The following MECOM variants were observed in gnomAD, a reference collection of about 807,000 sequenced individuals.
MECOM encodes the protein MDS1 and EVI1 complex locus, also known as histone-lysine N-methyltransferase MECOM.
In MECOM, 13 loss-of-function variants were observed where a neutral mutation model predicts 116.3. The observed-to-expected ratio is 0.11, with a 90% CI of 0.07 to 0.18. MECOM has a LOEUF of 0.18. MECOM is among the 10% of genes least tolerant of loss of function. MECOM has a pLI of 1.00. For synonymous variants in MECOM, 528 were observed against 535.2 expected, an observed-to-expected ratio of 0.99 and a Z score of 0.19; for missense variants, 1,299 against 1,509.0, an observed-to-expected ratio of 0.86 and a Z score of 2.31.
chr3:169,365,910 T>C (rs1405072320), intron 2 of MECOM, among the ~76,000 whole-genome samples: 7 of 152,178 alleles, frequency 4.6e-5, no homozygotes, highest in Middle Eastern at 3.4e-3. Flanking sequence ...TCTGTTTCTT[T>C]AGGTATTTAT....
chr3:169,472,502 G>A (rs527799937), intron 1 of MECOM, among the ~76,000 whole-genome samples: 1 of 87,388 alleles, frequency 1.1e-5, no homozygotes, highest in Admixed American at 1.2e-4. Flanking sequence ...GGAAAGGAAA[G>A]GAAAGGAAAG....
At chr3:169,293,606 A>G (rs1715031976) in intron 2 of MECOM, among the ~76,000 whole-genome samples, 2 of 152,054 alleles carry the variant, frequency 1.3e-5, no homozygotes, top group Admixed American at 1.3e-4. Flanking sequence ...GTGTGCTACA[A>G]TTCCCCCTTT....
At position 169,122,636 on chromosome 3, in the gene MECOM, G is replaced by A. The variant is rs745329183; in HGVS notation, c.922C>T (p.Arg308Cys). The change falls in exon 6 of 17, where the codon CGC becomes TGC. Residue 308 changes from arginine (R) to cysteine (C), a missense_variant. This residue lies in a region of MECOM where 374 missense variants were observed against 433.4 expected (regional missense o/e 0.86). Transcript: ENST00000651503. ...CCACTGTCATGTGACATCTGGTGGCGAATTAAATTGGACTTCCAGTTAAAT... is the reference window on the plus strand; with the variant it reads ...CCACTGTCATGTGACATCTGGTGGCAAATTAAATTGGACTTCCAGTTAAAT... ...KAFNWKSNLI[R>C]HQMSHDSGKH... The A allele has an allele frequency of 8.1e-6, 13 of 1,613,988 alleles. No homozygotes were observed. Among genetic ancestry groups the A allele is most frequent in the South Asian group, 1.1e-5 (1 of 91,072 alleles).
chr3:169,227,850 AC>A (rs1238940831), intron 2 of MECOM, among the ~76,000 whole-genome samples: 3 of 152,200 alleles, frequency 2.0e-5, no homozygotes, highest in Admixed American at 6.5e-5. Context: ...GGGCAGCATG[AC>A]CAAACTTGGG....
chr3:169,116,781 A>T, intron 7 of MECOM, 42 bp from the exon 8 acceptor site: 2 of 1,530,014 alleles, frequency 1.3e-6, no homozygotes, highest in Non-Finnish European at 1.7e-6. Flanking sequence ...CTTTATGTCA[A>T]TTGCTTCTGA....
intron 8 of MECOM, among the ~76,000 whole-genome samples, chr3:169,114,248 A>C (rs1033003542): frequency 6.6e-6 from 1 of 152,180 alleles, no homozygotes; most frequent in Non-Finnish European, 1.5e-5. Flanking sequence ...TTGAGATATA[A>C]TAATTTTAAA....
At chr3:169,205,435 GA>G (rs1348822622) in intron 2 of MECOM, among the ~76,000 whole-genome samples, 1 of 152,182 alleles carries the variant, frequency 6.6e-6, no homozygotes, top group Non-Finnish European at 1.5e-5. Flanking sequence ...ATACTAATTT[GA>G]AAATGATTTA....
intron 4 of MECOM, among the ~76,000 whole-genome samples, chr3:169,130,865 T>C (rs1734469716): frequency 6.6e-6 from 1 of 152,154 alleles, no homozygotes; most frequent in Non-Finnish European, 1.5e-5. Context: ...TAAACATGTA[T>C]CACTACTGAT....
chr3:169,507,940 A>G (rs56002821), intron 1 of MECOM, among the ~76,000 whole-genome samples: 25,512 of 151,752 alleles, frequency 0.17, 2,305 homozygotes, highest in East Asian at 0.33. Flanking sequence ...GATCACAGGC[A>G]TGAGCCACCG....
At chr3:169,147,694 A>G in intron 2 of MECOM, 1 of 984,174 alleles carries the variant, frequency 1.0e-6, no homozygotes. Flanking sequence ...CTCCGTTTCG[A>G]TGTCTTGAAA....
chr3:169,548,901 C>G (rs1193610855), intron 1 of MECOM, among the ~76,000 whole-genome samples: 1 of 151,966 alleles, frequency 6.6e-6, no homozygotes, highest in Non-Finnish European at 1.5e-5. Flanking sequence ...GTAACTGATA[C>G]CTAGAGAGCT....
intron 1 of MECOM, among the ~76,000 whole-genome samples, chr3:169,435,705 T>G (rs757124646): frequency 2.0e-5 from 3 of 152,238 alleles, no homozygotes; most frequent in Non-Finnish European, 4.4e-5. Context: ...ACTAGTGTCT[T>G]CTGTATCTTT....
At chr3:169,185,920 CT>C (rs1746640561) in intron 2 of MECOM, among the ~76,000 whole-genome samples, 2 of 152,156 alleles carry the variant, frequency 1.3e-5, no homozygotes. Context: ...TTTCTTTTGT[CT>C]TTGGGCTGAT....
At chr3:169,376,930 T>TA (rs1220588790) in intron 2 of MECOM, among the ~76,000 whole-genome samples, 1 of 152,146 alleles carries the variant, frequency 6.6e-6, no homozygotes, top group Non-Finnish European at 1.5e-5. Flanking sequence ...CAAACTATAC[T>TA]ATAAGGCTAC....
At chr3:169,525,767 G>A (rs1207326949) in intron 1 of MECOM, among the ~76,000 whole-genome samples, 1 of 152,152 alleles carries the variant, frequency 6.6e-6, no homozygotes, top group Admixed American at 6.5e-5. Context: ...GATGGCTCAC[G>A]CCTGTAATCC....
intron 4 of MECOM, among the ~76,000 whole-genome samples, chr3:169,129,283 T>C (rs1275306662): frequency 6.6e-6 from 1 of 151,630 alleles, no homozygotes; most frequent in Admixed American, 6.6e-5. Context: ...ACAGAGCACA[T>C]GTAAGGGAGG....
intron 2 of MECOM, among the ~76,000 whole-genome samples, chr3:169,192,250 C>T (rs567307299): frequency 6.6e-6 from 1 of 152,094 alleles, no homozygotes; most frequent in African/African-American, 2.4e-5. Flanking sequence ...ATTGGAATAA[C>T]AGAGCCCATA....
At chr3:169,224,869 A>G (rs1026541067) in intron 2 of MECOM, among the ~76,000 whole-genome samples, 9 of 152,222 alleles carry the variant, frequency 5.9e-5, no homozygotes, top group Non-Finnish European at 2.9e-5. Flanking sequence ...AGCATAAACG[A>G]AGGATACAAA....
chr3:169,608,248 C>A (rs1380153802), intron 1 of MECOM, among the ~76,000 whole-genome samples: 1 of 152,190 alleles, frequency 6.6e-6, no homozygotes, highest in Non-Finnish European at 1.5e-5. Flanking sequence ...ATCGCTGAGG[C>A]CTGCTAGTCA....
Sources: allele counts gnomAD v4.1 joint callset (sites outside exome capture counted in the v4.1 genomes callset), GRCh38; gene constraint gnomAD v4.1.1; regional missense constraint gnomAD v4.1.1; transcripts MANE v1.5; gene names NCBI Gene and HGNC (gene_info 2026-07-23, HGNC 2026-07-21).